The following CNTFR variants were observed in gnomAD, a reference collection of about 807,000 sequenced individuals.
CNTFR encodes the protein ciliary neurotrophic factor receptor subunit alpha.
A neutral mutation model predicts 40.4 loss-of-function variants in CNTFR; 12 were observed. The observed-to-expected ratio is 0.30, with a 90% CI of 0.19 to 0.48. CNTFR has a LOEUF of 0.48. Among genes scored for constraint, CNTFR ranks in the 20% least tolerant of loss-of-function variants. The pLI is 0.99. For missense variants in CNTFR, 414 were observed against 506.8 expected, an observed-to-expected ratio of 0.82 and a Z score of 1.76; for synonymous variants, 202 against 209.6, an observed-to-expected ratio of 0.96 and a Z score of 0.31.
rs1289161100 is a variant in CNTFR at position 34,551,883 on chromosome 9, G to A, written c.*188C>T. The A allele has an allele frequency of 2.9e-6, 2 of 691,670 alleles. No homozygotes were observed. Among genetic ancestry groups the A allele is most frequent in the Non-Finnish European group, 5.3e-6 (2 of 378,296 alleles). 42.8% of individuals were successfully genotyped at this position (691,670 alleles called of 1,614,324 possible). On this transcript the variant is annotated 3_prime_UTR_variant, in exon 10 of 10. Transcript: ENST00000378980. ...CCACCTCCCCTGAGGGAGGAAGGAG[G>A]GCCAGCTTGGTGCGGCAGGGCTGGG...
intron 4 of CNTFR, among the ~76,000 whole-genome samples, chr9:34,560,082 A>G (rs967600884): frequency 6.6e-6 from 1 of 152,220 alleles, no homozygotes; most frequent in Non-Finnish European, 1.5e-5. Flanking sequence ...GTTTCCTGAC[A>G]GGGACCAGGT....
chr9:34,589,400 T>C lies in CNTFR; in HGVS notation c.-112+155A>G, dbSNP rs1409779809. Among the ~76,000 whole-genome samples, 1 of 150,720 alleles carries C rather than the reference T, an allele frequency of 6.6e-6. No homozygotes were observed. Among genetic ancestry groups the C allele is most frequent in the Non-Finnish European group, 1.5e-5 (1 of 67,514 alleles). On this transcript the variant is annotated intron_variant, in intron 1 of 9. Transcript: ENST00000378980. This position sits in a 1 kb window ranked among gnomAD's most constrained non-coding sequence, Gnocchi z 4.4. Reference sequence around the variant, plus strand: ...TCCTCCAGCGCCCCCGCCCCCGAGTTTGCAGGCAAAGTTTCTCGTGAACTT... The same window carrying C: ...TCCTCCAGCGCCCCCGCCCCCGAGTCTGCAGGCAAAGTTTCTCGTGAACTT...
intron 1 of CNTFR, among the ~76,000 whole-genome samples, chr9:34,581,741 T>C (rs572131583): frequency 4.3e-4 from 65 of 152,288 alleles, no homozygotes; most frequent in African/African-American, 1.1e-3. Flanking sequence ...ACCAAGGAGA[T>C]TGAGCTTCAA....
intron 2 of CNTFR, among the ~76,000 whole-genome samples, chr9:34,575,687 C>CCA (rs1253934742): frequency 1.1e-3 from 154 of 142,294 alleles, no homozygotes; most frequent in Admixed American, 1.7e-3. Context: ...ACCCACCCAC[C>CCA]CACACACACA....
In CNTFR at chr9:34,552,128, G is replaced by A. The variant is rs1255502831; in HGVS notation, c.1118+33C>T. The A allele has an allele frequency of 6.3e-7, 1 of 1,593,618 alleles. No homozygotes were observed. The highest frequency in any genetic ancestry group is 2.3e-5 in the East Asian group (1 of 44,106). On this transcript the variant is annotated intron_variant, in intron 9 of 9. Coordinates refer to ENST00000378980, the MANE Select transcript of CNTFR (RefSeq NM_147164.3). This position sits in a 1 kb window ranked among gnomAD's most constrained non-coding sequence, Gnocchi z 5.1. ...GGGGCTGGAGTGGGGGTTCCCTCAG[G>A]CTCCCTCTGCCACCCAGCCTCACTC...
intron 2 of CNTFR, 103 bp downstream of exon 2, chr9:34,580,992 G>C: frequency 6.6e-6 from 1 of 152,186 alleles, no homozygotes; most frequent in Non-Finnish European, 1.5e-5. Context: ...AGAGAGGAAG[G>C]AATCTCAGGT....
In CNTFR at chr9:34,551,566, A is replaced by ATC. The variant is rs1244786089; in HGVS notation, c.*504_*505insGA. 2.2e-5 allele frequency: 5 copies of ATC among 232,444 alleles called. No individual in the cohort carries two copies. Among genetic ancestry groups the ATC allele is most frequent in the African/African-American group, 1.2e-4 (5 of 42,756 alleles). 14.4% of individuals were successfully genotyped at this position (232,444 alleles called of 1,614,324 possible). On this transcript the variant is annotated 3_prime_UTR_variant, in exon 10 of 10. Transcript: ENST00000378980. ...CTGACAGGGCATTAAATACTGTGGG[A>ATC]TAGGAGCAGGGTCAGGGGAGGGGTA... is the stretch of plus-strand genomic sequence containing the variant.
intron 2 of CNTFR, among the ~76,000 whole-genome samples, chr9:34,571,009 T>G (rs1025019754): frequency 2.0e-5 from 3 of 152,078 alleles, no homozygotes; most frequent in African/African-American, 7.2e-5. Context: ...ACAGTAAATC[T>G]CTCTGTGTCC....
rs552637885 is a variant in CNTFR, at chr9:34,577,910, G to A, written c.-1+3185C>T. 2.2e-4 allele frequency among the ~76,000 whole-genome samples: 33 copies of A among 151,648 alleles called. No homozygotes were observed. The East Asian group carries it at 6.2e-3, about 29-fold the overall frequency. On this transcript the variant is annotated intron_variant, in intron 2 of 9. Coordinates refer to ENST00000378980, the MANE Select transcript of CNTFR (RefSeq NM_147164.3). ...GGGGGGCGGAGGCCGAGAAAGGAGC[G>A]GGAAGCGCCGAGGCGGGCTGGGCGG...
Position 34,552,537 on chromosome 9 carries a change from G to C in CNTFR, c.949+137C>G. 1 of 1,062,840 alleles carries C rather than the reference G, an allele frequency of 9.4e-7. No homozygotes were observed. The highest frequency in any genetic ancestry group is 1.6e-5 in the African/African-American group (1 of 62,530). The allele number at this position is 1,062,840 out of a possible 1,614,324, so 65.8% of individuals were successfully genotyped here. A position where few individuals can be genotyped will look rare whatever the true frequency, so the allele number is the denominator to read the frequency against. On this transcript the variant is annotated intron_variant, in intron 8 of 9. Coordinates refer to ENST00000378980, the MANE Select transcript of CNTFR (RefSeq NM_147164.3). This position sits in a 1 kb window ranked among gnomAD's most constrained non-coding sequence, Gnocchi z 5.1. Reference sequence around the variant, plus strand: ...CAGATAGCAAGGACCAGGAATGGCAGGAGTTGGACAGACAGGCAGAAGTGT... The same window carrying C: ...CAGATAGCAAGGACCAGGAATGGCACGAGTTGGACAGACAGGCAGAAGTGT...
intron 1 of CNTFR, among the ~76,000 whole-genome samples, chr9:34,584,821 GC>G (rs1246229314): frequency 6.6e-6 from 1 of 152,168 alleles, no homozygotes; most frequent in East Asian, 1.9e-4. Flanking sequence ...TGATTGCTCT[GC>G]CCCAGCCTCC....
In CNTFR at chr9:34,559,992, G is replaced by C. The variant is rs1439775772; in HGVS notation, c.320-2008C>G. ...CTGGGGAGGTCATGGTGGGGTGGGG[G>C]TTGGGGGGCTGACTGGAGGCTTTGT... On this transcript the variant is annotated intron_variant, in intron 4 of 9. Coordinates refer to ENST00000378980, the MANE Select transcript of CNTFR (RefSeq NM_147164.3). Among the ~76,000 whole-genome samples the C allele has an allele frequency of 3.3e-5, 5 of 152,252 alleles. No individual in the cohort carries two copies. The South Asian group carries it at 1.0e-3, about 32-fold the overall frequency.
chr9:34,581,385 T>C (rs2132252470), intron 1 of CNTFR, among the ~76,000 whole-genome samples, 180 bp from the exon 2 acceptor site: 1 of 152,346 alleles, frequency 6.6e-6, no homozygotes, highest in Non-Finnish European at 1.5e-5. Context: ...CACCCCTTGC[T>C]GACTTCAGGT....
rs1321982412 is a variant in CNTFR at position 34,552,011 on chromosome 9, C to T, written c.*60G>A. ...CAAAATAGAAACCGGGGTCTGCAGG[C>T]TCAGCTCCGGCCTCCTGCTCCTCTG... On this transcript the variant is annotated 3_prime_UTR_variant, in exon 10 of 10. Transcript: ENST00000378980. This position sits in a 1 kb window ranked among gnomAD's most constrained non-coding sequence, Gnocchi z 5.1. 90 of 971,548 alleles carry T rather than the reference C, an allele frequency of 9.3e-5. No individual in the cohort carries two copies. Among genetic ancestry groups the T allele is most frequent in the Non-Finnish European group, 8.2e-6 (5 of 613,186 alleles). 60.2% of individuals were successfully genotyped at this position (971,548 alleles called of 1,614,324 possible). A position where few individuals can be genotyped will look rare whatever the true frequency, so the allele number is the denominator to read the frequency against.
rs200604451 is a variant in CNTFR, at chr9:34,573,820, C to G, written c.1-4839G>C. Among the ~76,000 whole-genome samples, 6 of 152,232 alleles carry G rather than the reference C, an allele frequency of 3.9e-5. No individual in the cohort carries two copies. In the East Asian group the frequency reaches 1.2e-3, roughly 29 times the overall value. ...CAGCATGGACTCACTGATTCAAACG[C>G]CTGGGGACTCTAGAAGCCTCAGACC... On this transcript the variant is annotated intron_variant, in intron 2 of 9. Transcript: ENST00000378980.
intron 4 of CNTFR, among the ~76,000 whole-genome samples, chr9:34,559,915 C>T (rs1421555816): frequency 6.6e-6 from 1 of 152,144 alleles, no homozygotes; most frequent in African/African-American, 2.4e-5. Flanking sequence ...GTCCTCCCCC[C>T]TCAGACCGCG....
Position 34,573,336 on chromosome 9 carries a change from C to T in CNTFR, c.1-4355G>A, listed in dbSNP as rs144141389. Among the ~76,000 whole-genome samples the T allele has an allele frequency of 7.2e-5, 11 of 152,294 alleles. No individual in the cohort carries two copies. The East Asian group carries it at 1.9e-3, about 27-fold the overall frequency. Reference sequence around the variant, plus strand: ...GGGGGATAATGAGCACCACTAACTGCGTCTCAGCTGTAATTGTGTGTGCGG... The same window carrying T: ...GGGGGATAATGAGCACCACTAACTGTGTCTCAGCTGTAATTGTGTGTGCGG... On this transcript the variant is annotated intron_variant, in intron 2 of 9. Coordinates refer to ENST00000378980, the MANE Select transcript of CNTFR (RefSeq NM_147164.3).
intron 2 of CNTFR, among the ~76,000 whole-genome samples, chr9:34,576,228 T>C (rs72735302): frequency 0.041 from 6,264 of 152,234 alleles, 208 homozygotes; most frequent in South Asian, 0.064. Flanking sequence ...GCCTCCCACA[T>C]GGACACCCAC....
At position 34,552,869 on chromosome 9, in the gene CNTFR, T is replaced by G. The variant is rs778847604; in HGVS notation, c.769-15A>C. 5.0e-6 allele frequency: 8 copies of G among 1,607,102 alleles called. No individual in the cohort carries two copies. In the Admixed American group the frequency reaches 1.3e-4, roughly 27 times the overall value. On this transcript the variant is annotated splice_polypyrimidine_tract_variant and intron_variant, in intron 7 of 9. Transcript: ENST00000378980. This position sits in a 1 kb window ranked among gnomAD's most constrained non-coding sequence, Gnocchi z 5.1. ...GACAGCTCCACCTGCAGCCAGACCA[T>G]GGGGTGGGGGTAAGGACACACCTGG...
Sources: allele counts gnomAD v4.1 joint callset (sites outside exome capture counted in the v4.1 genomes callset), GRCh38; gene constraint gnomAD v4.1.1; non-coding constraint Gnocchi (gnomAD v3.1); transcripts MANE v1.5; gene names NCBI Gene and HGNC (gene_info 2026-07-23, HGNC 2026-07-21).